The following RAD17 variants were observed in gnomAD, a reference collection of about 807,000 sequenced individuals.
The protein encoded by RAD17 is RAD17 checkpoint clamp loader component.
RAD17 carries 31 observed loss-of-function variants against 81.5 expected under a neutral mutation model. That is an observed-to-expected ratio of 0.38 (90% confidence interval 0.29 to 0.51). The LOEUF (loss-of-function observed/expected upper bound fraction) is 0.51. Ranked by LOEUF, RAD17 falls within the 20% of genes least tolerant of loss-of-function variation. The pLI, the probability that RAD17 is intolerant of heterozygous loss-of-function variation, is 0.88. For synonymous variants in RAD17, 261 were observed against 266.2 expected (o/e 0.98, Z 0.19); for missense variants, 681 against 781.2 (o/e 0.87, Z 1.53).
At chr5:69,390,904 G>A (rs930430875) in intron 12 of RAD17, among the ~76,000 whole-genome samples, 2 of 150,500 alleles carry the variant, frequency 1.3e-5, no homozygotes, top group Non-Finnish European at 2.9e-5. Context: ...AGTGAGCTAT[G>A]ATTGTGCCAC....
At position 69,414,533 on chromosome 5, in the gene RAD17, G is replaced by A. The variant is rs1425731696; in HGVS notation, c.*241G>A. Reference sequence around the variant, plus strand: ...TAAATCTGTGAGTGGTTTAAGGAGCGGTCAGTGTGTATAAAGTGTGTTTGA... The same window carrying A: ...TAAATCTGTGAGTGGTTTAAGGAGCAGTCAGTGTGTATAAAGTGTGTTTGA... On this transcript the variant is annotated 3_prime_UTR_variant, in exon 19 of 19. Transcript: ENST00000354868. 8.7e-6 allele frequency: 5 copies of A among 573,640 alleles called. No individual in the cohort carries two copies. The highest frequency in any genetic ancestry group is 2.9e-5 in the East Asian group (1 of 33,982). 35.5% of individuals were successfully genotyped at this position (573,640 alleles called of 1,614,324 possible).
rs1764585185 is a variant in RAD17 at position 69,392,004 on chromosome 5, T to C, written c.1180T>C (p.Tyr394His). ...FLFRALGKILYCKRASLTELD... is the reference protein window; with the variant it reads ...FLFRALGKILHCKRASLTELD... The stretch of plus-strand genomic sequence containing the variant: ...CTTCAGAGCTTTGGGGAAAATTCTA[T>C]ATTGTAAAAGTAAGAAATTTTTACA... The change falls in exon 13 of 19, where the codon TAT becomes CAT. Residue 394 changes from tyrosine to histidine, a missense_variant. Transcript: ENST00000354868. 1 of 1,540,288 alleles carries C rather than the reference T, an allele frequency of 6.5e-7. No homozygotes were observed. The highest frequency in any genetic ancestry group is 8.7e-7 in the Non-Finnish European group (1 of 1,152,612).
chr5:69,381,404 C>A (rs1050791416), intron 6 of RAD17, among the ~76,000 whole-genome samples: 8 of 151,954 alleles, frequency 5.3e-5, no homozygotes, highest in Admixed American at 1.3e-4. Context: ...TGGCGTGAAC[C>A]CGGGAGGCGG....
At chr5:69,406,119 A>G (rs1765587968) in intron 17 of RAD17, among the ~76,000 whole-genome samples, 1 of 152,066 alleles carries the variant, frequency 6.6e-6, no homozygotes, top group East Asian at 1.9e-4. Flanking sequence ...TTGCAGCATT[A>G]TTCACAATAA....
intron 12 of RAD17, among the ~76,000 whole-genome samples, chr5:69,389,857 C>T (rs907487863): frequency 1.3e-5 from 2 of 152,092 alleles, no homozygotes; most frequent in African/African-American, 4.8e-5. Flanking sequence ...AGGATGGTTG[C>T]GATCTCCTGA....
rs1327905998 is a variant in RAD17, at chr5:69,398,040, C to T, written c.1572+1494C>T. ...GCTGAGGCAGGAGAATGGCGTGAAC[C>T]CAGGAGGCGGAGCTTGCAGTGAGCT... On this transcript the variant is annotated intron_variant, in intron 16 of 18. Transcript: ENST00000354868. Among the ~76,000 whole-genome samples, 6 of 152,166 alleles carry T rather than the reference C, an allele frequency of 3.9e-5. No homozygotes were observed. The East Asian group carries it at 5.8e-4, about 15-fold the overall frequency.
intron 18 of RAD17, among the ~76,000 whole-genome samples, chr5:69,411,476 C>A (rs1287125010): frequency 6.6e-6 from 1 of 152,170 alleles, no homozygotes; most frequent in Non-Finnish European, 1.5e-5. Flanking sequence ...ATAGAAATGG[C>A]ACCTCTGACT....
At chr5:69,413,625 C>G (rs1305779250) in intron 18 of RAD17, among the ~76,000 whole-genome samples, 3 of 152,064 alleles carry the variant, frequency 2.0e-5, no homozygotes, top group Admixed American at 1.3e-4. Flanking sequence ...GCTTCTGCCT[C>G]CTGGGTTCAA....
chr5:69,387,047 C>T (rs1295216986), intron 11 of RAD17, among the ~76,000 whole-genome samples: 1 of 151,640 alleles, frequency 6.6e-6, no homozygotes, highest in African/African-American at 2.4e-5. Context: ...ACCTCAGCCT[C>T]CCAAGCAGCT....
At chr5:69,385,040 A>T in intron 8 of RAD17, 107 bp downstream of exon 8, 1 of 981,244 alleles carries the variant, frequency 1.0e-6, no homozygotes, top group Non-Finnish European at 1.4e-6. Flanking sequence ...GCTCATTGCA[A>T]GCTCTGCCTC....
intron 6 of RAD17, 60 bp downstream of exon 6, chr5:69,374,771 G>T (rs1763236025): frequency 7.6e-7 from 1 of 1,314,020 alleles, no homozygotes; most frequent in South Asian, 1.3e-5. Flanking sequence ...CTTACAGTGT[G>T]TTGTTAGAAG....
chr5:69,383,693 A>AT (rs1024076742), intron 7 of RAD17, among the ~76,000 whole-genome samples: 8 of 151,918 alleles, frequency 5.3e-5, no homozygotes, highest in Non-Finnish European at 1.0e-4. Flanking sequence ...TATTATTATC[A>AT]TTTTTTTAAG....
chr5:69,412,244 C>G (rs547218186), intron 18 of RAD17, among the ~76,000 whole-genome samples: 1 of 152,124 alleles, frequency 6.6e-6, no homozygotes, highest in Non-Finnish European at 1.5e-5. Flanking sequence ...GCGTGAGCCA[C>G]CACGCCTGGC....
chr5:69,413,525 GTTTT>G (rs1439693227), intron 18 of RAD17, among the ~76,000 whole-genome samples: 1 of 152,038 alleles, frequency 6.6e-6, no homozygotes, highest in Non-Finnish European at 1.5e-5. Flanking sequence ...GTTTGGTTTG[GTTTT>G]TTTGTTTGTT....
chr5:69,393,896 T>C (rs1316150478), intron 15 of RAD17, among the ~76,000 whole-genome samples: 5 of 143,860 alleles, frequency 3.5e-5, no homozygotes, highest in African/African-American at 1.3e-4. Context: ...TTTTGTGTTT[T>C]GTGTTATGGT....
chr5:69,386,573 T>G (rs1180093263), intron 11 of RAD17, 108 bp downstream of exon 11: 2 of 1,232,850 alleles, frequency 1.6e-6, no homozygotes, highest in Non-Finnish European at 2.1e-6. Flanking sequence ...AATTAAAACA[T>G]TTTATTATAC....
Position 69,371,137 on chromosome 5 carries a change from G to T in RAD17, c.-314G>T. 4.1e-6 allele frequency: 2 copies of T among 486,164 alleles called. No individual in the cohort carries two copies. Among genetic ancestry groups the T allele is most frequent in the Non-Finnish European group, 8.0e-6 (2 of 250,814 alleles). The allele number at this position is 486,164 out of a possible 1,614,324, so 30.1% of individuals were successfully genotyped here. ...AACTTTAATTTTCAGTATAAAAATT[G>T]CTCAAATAGAATTGCCTGATTTTAA... On this transcript the variant is annotated 5_prime_UTR_variant, in exon 2 of 19. Coordinates refer to ENST00000354868, the MANE Select transcript of RAD17 (RefSeq NM_133338.3).
At position 69,381,917 on chromosome 5, in the gene RAD17, T is replaced by C; in HGVS notation, c.368T>C (p.Leu123Ser). 1.3e-6 allele frequency: 2 copies of C among 1,597,238 alleles called. No individual in the cohort carries two copies. The highest frequency in any genetic ancestry group is 1.7e-6 in the Non-Finnish European group (2 of 1,172,010). ...RQPKQGGSIL[L>S]ITGPPGCGKT... is the part of the protein sequence containing the mutation. The stretch of plus-strand genomic sequence containing the variant: ...TGATTTTAGGGTGGATCTATTTTAT[T>C]AATAACAGGTCCTCCTGGATGTGGA... Residue 123 changes from leucine to serine, a missense_variant, in exon 7 of 19, where the codon TTA (leucine) becomes TCA (serine). Transcript: ENST00000354868.
upstream of RAD17, chr5:69,369,815 G>T (rs1561227248): frequency 1.1e-5 from 12 of 1,113,388 alleles, no homozygotes; most frequent in Non-Finnish European, 3.9e-6. Context: ...TCCCCGGGAG[G>T]CCGTACCTCC....
Sources: allele counts gnomAD v4.1 joint callset (sites outside exome capture counted in the v4.1 genomes callset), GRCh38; gene constraint gnomAD v4.1.1; transcripts MANE v1.5; gene names NCBI Gene and HGNC (gene_info 2026-07-23, HGNC 2026-07-21).